The following MORC2 variants were observed in gnomAD, a reference collection of about 807,000 sequenced individuals.
MORC2 encodes ATPase MORC2.
In MORC2, 30 loss-of-function variants were observed where a neutral mutation model predicts 136.0. The observed-to-expected ratio is 0.22, with a 90% confidence interval of 0.17 to 0.30. The LOEUF is 0.30. MORC2 is among the 10% of genes least tolerant of loss of function. MORC2 has a pLI of 1.00. For missense variants in MORC2, 922 were observed against 1,333.1 expected (o/e 0.69, Z 4.80); for synonymous variants, 439 against 487.0 (o/e 0.90, Z 1.30).
At chr22:30,933,644 C>T (rs2147244417) in intron 20 of MORC2, 124 bp from the exon 21 acceptor site, 2 of 969,478 alleles carry the variant, frequency 2.1e-6, no homozygotes, top group Non-Finnish European at 3.1e-6. Flanking sequence ...GTTTAAATCA[C>T]CAAGCCCCGT....
intron 1 of MORC2, among the ~76,000 whole-genome samples, chr22:30,960,858 T>G (rs530545279): frequency 6.6e-6 from 1 of 150,754 alleles, no homozygotes; most frequent in South Asian, 2.1e-4. Flanking sequence ...TTGTTGTTGT[T>G]GTTGTTATTT....
intron 1 of MORC2, among the ~76,000 whole-genome samples, chr22:30,961,389 G>C (rs1228782148): frequency 6.6e-6 from 1 of 152,178 alleles, no homozygotes; most frequent in East Asian, 1.9e-4. Flanking sequence ...TTGGTTAAAA[G>C]TGAATCTAAC....
intron 3 of MORC2, among the ~76,000 whole-genome samples, chr22:30,953,529 G>GAT (rs2040922664): frequency 6.6e-6 from 1 of 152,204 alleles, no homozygotes; most frequent in African/African-American, 2.4e-5. Context: ...AGTCAAAGGT[G>GAT]ATAAAATAAT....
chr22:30,935,432 T>C (rs1267994481), intron 17 of MORC2, 110 bp from the exon 18 acceptor site: 5 of 1,060,228 alleles, frequency 4.7e-6, no homozygotes, highest in Non-Finnish European at 7.0e-6. Flanking sequence ...ACCTGAGCCA[T>C]AGTCCTACTC....
chr22:30,940,124 C>A (rs1363712467), intron 10 of MORC2, 83 bp from the exon 11 acceptor site: 2 of 1,358,340 alleles, frequency 1.5e-6, no homozygotes, highest in East Asian at 4.7e-5. Flanking sequence ...GTACTGGACA[C>A]GAAGTGTGTA....
intron 20 of MORC2, 56 bp from the exon 21 acceptor site, chr22:30,933,576 G>C: frequency 6.3e-7 from 1 of 1,578,014 alleles, no homozygotes; most frequent in Non-Finnish European, 8.7e-7. Flanking sequence ...GAGCAGACTT[G>C]TGCCTTACTG....
chr22:30,934,307 T>C lies in MORC2; in HGVS notation c.2194-116A>G. Reference sequence around the variant, plus strand: ...GAGGAGCTGTACTCCCTGCAATCCCTGCCTGACATTACTTGGAATGTACAC... The same window carrying C: ...GAGGAGCTGTACTCCCTGCAATCCCCGCCTGACATTACTTGGAATGTACAC... On this transcript the variant is annotated intron_variant, in intron 19 of 25. Coordinates refer to ENST00000397641, the MANE Select transcript of MORC2 (RefSeq NM_001303256.3). The surrounding 1 kb of genome is among the most constrained non-coding windows in gnomAD (Gnocchi z 4.4). 1.4e-6 allele frequency: 2 copies of C among 1,416,828 alleles called. No individual in the cohort carries two copies. The highest frequency in any genetic ancestry group is 1.9e-6 in the Non-Finnish European group (2 of 1,049,886). 87.8% of individuals were successfully genotyped at this position (1,416,828 alleles called of 1,614,324 possible). A position where few individuals can be genotyped will look rare whatever the true frequency, so the allele number is the denominator to read the frequency against.
At chr22:30,954,132 T>C (rs1263290476) in intron 3 of MORC2, among the ~76,000 whole-genome samples, 1 of 151,772 alleles carries the variant, frequency 6.6e-6, no homozygotes, top group Non-Finnish European at 1.5e-5. Flanking sequence ...GGTGAAAAAA[T>C]ATATATACAA....
chr22:30,960,492 A>G (rs1326479376), intron 1 of MORC2, among the ~76,000 whole-genome samples: 1 of 151,510 alleles, frequency 6.6e-6, no homozygotes, highest in Non-Finnish European at 1.5e-5. Flanking sequence ...TTATTTATTT[A>G]TTTATTTATT....
intron 2 of MORC2, among the ~76,000 whole-genome samples, chr22:30,957,150 T>G (rs990649593): frequency 2.6e-5 from 4 of 152,240 alleles, no homozygotes; most frequent in African/African-American, 7.2e-5. Flanking sequence ...CTCATTTGAT[T>G]GCAATCATAA....
Position 30,968,158 on chromosome 22 carries a change from T to A in MORC2, c.-269A>T. ...TAAATCTGTAGCTTTAAGGAGCTTT[T>A]AGCATTAAGTTGCGATAGCTCAATT... On this transcript the variant is annotated 5_prime_UTR_variant, in exon 1 of 26. Coordinates refer to ENST00000397641, the MANE Select transcript of MORC2 (RefSeq NM_001303256.3). 1 of 404,340 alleles carries A rather than the reference T, an allele frequency of 2.5e-6. No individual in the cohort carries two copies. Among genetic ancestry groups the A allele is most frequent in the Non-Finnish European group, 4.5e-6 (1 of 221,462 alleles). 25.0% of individuals were successfully genotyped at this position (404,340 alleles called of 1,614,324 possible).
rs574964338 is a variant in MORC2, at chr22:30,967,475, G to A, written c.68+347C>T. The A allele has an allele frequency of 1.3e-5, 14 of 1,042,258 alleles. No individual in the cohort carries two copies. The African/African-American group carries it at 1.5e-4, about 11-fold the overall frequency. 64.6% of individuals were successfully genotyped at this position (1,042,258 alleles called of 1,614,324 possible). ...GACGTTGTCACTACAGAGGGGAAAC[G>A]GTTGATACTAAAATAGTCCAACATT... On this transcript the variant is annotated intron_variant, in intron 1 of 25. Transcript: ENST00000397641.
chr22:30,936,748 C>A, intron 16 of MORC2, 105 bp from the exon 17 acceptor site: 1 of 1,444,326 alleles, frequency 6.9e-7, no homozygotes. Context: ...GAGCAACCAC[C>A]TCAGAGTTCC....
intron 1 of MORC2, among the ~76,000 whole-genome samples, chr22:30,962,323 G>T (rs2041059136): frequency 6.6e-6 from 1 of 152,024 alleles, no homozygotes; most frequent in African/African-American, 2.4e-5. Flanking sequence ...GGCACTTTGG[G>T]AAGCCCAGGC....
chr22:30,958,755 A>G (rs2041002200), intron 1 of MORC2, 61 bp from the exon 2 acceptor site: 1 of 1,365,152 alleles, frequency 7.3e-7, no homozygotes, highest in African/African-American at 1.5e-5. Context: ...TCCTAATAAA[A>G]AGCCATGGTT....
In MORC2 at chr22:30,968,074, T is replaced by C; in HGVS notation, c.-185A>G. 2 of 562,000 alleles carry C rather than the reference T, an allele frequency of 3.6e-6. No homozygotes were observed. The highest frequency in any genetic ancestry group is 4.6e-5 in the South Asian group (2 of 43,738). The allele number at this position is 562,000 out of a possible 1,614,324, so 34.8% of individuals were successfully genotyped here. A position where few individuals can be genotyped will look rare whatever the true frequency, so the allele number is the denominator to read the frequency against. On this transcript the variant is annotated 5_prime_UTR_variant, in exon 1 of 26. Coordinates refer to ENST00000397641, the MANE Select transcript of MORC2 (RefSeq NM_001303256.3). ...TGTTTAAAACTACAATTTCTTCAAG[T>C]GTTTTTTTTTAATCTTCTCAATGAT... is the stretch of plus-strand genomic sequence containing the variant.
chr22:30,967,176 T>C (rs1695911643), intron 1 of MORC2: 4 of 985,490 alleles, frequency 4.1e-6, no homozygotes, highest in Non-Finnish European at 4.8e-6. Context: ...TTCCAGACCA[T>C]GTTGGAGTGA....
chr22:30,964,371 A>C (rs543919065), intron 1 of MORC2, among the ~76,000 whole-genome samples: 3 of 152,216 alleles, frequency 2.0e-5, no homozygotes, highest in African/African-American at 4.8e-5. Context: ...AAAACCAAAA[A>C]CAAAACAAAA....
At chr22:30,967,183 G>C (rs1370864291) in intron 1 of MORC2, 6 of 985,302 alleles carry the variant, frequency 6.1e-6, no homozygotes, top group Non-Finnish European at 6.0e-6. Context: ...CCATGTTGGA[G>C]TGATTAGATT....
Sources: gnomAD v4.1 joint callset for allele counts (sites outside exome capture counted in the v4.1 genomes callset) on GRCh38, gnomAD v4.1.1 for gene constraint, Gnocchi (gnomAD v3.1) non-coding constraint, MANE v1.5 for transcripts, NCBI Gene and HGNC (gene_info 2026-07-23, HGNC 2026-07-21) for gene names.